Variants in C10orf90 observed in about 807,000 individuals in gnomAD.
C10orf90 encodes chromosome 10 open reading frame 90.
In C10orf90, 56 loss-of-function variants were observed where a neutral mutation model predicts 62.5. The ratio of observed to expected loss-of-function variants is 0.90; its 90% CI spans 0.72 to 1.12. C10orf90 has a LOEUF of 1.12. C10orf90 is among the 50% of genes most tolerant of loss of function. The pLI, the probability that C10orf90 is intolerant of heterozygous loss-of-function variation, is 0.00. For missense variants in C10orf90, 970 were observed against 880.4 expected (o/e 1.10, Z -1.29); for synonymous variants, 386 against 340.4 (o/e 1.13, Z -1.47).
intron 7 of C10orf90, among the ~76,000 whole-genome samples, chr10:126,442,479 A>ATATATATATATATATATATATATC (rs1491182272): frequency 7.3e-4 from 19 of 26,078 alleles, no homozygotes; most frequent in African/African-American, 2.6e-3. Flanking sequence ...TCAATATTTC[A>ATATATATATATATATATATATATC]TATATATATA....
At chr10:126,437,083 C>T (rs771165064) in intron 7 of C10orf90, among the ~76,000 whole-genome samples, 3 of 152,184 alleles carry the variant, frequency 2.0e-5, no homozygotes, top group Admixed American at 1.3e-4. Flanking sequence ...TGTTTCAATT[C>T]ATCCTTACAG....
At chr10:126,519,997 C>T (rs1863651276) in intron 2 of C10orf90, 1 of 152,300 alleles carries the variant, frequency 6.6e-6, no homozygotes, top group African/African-American at 2.4e-5. Context: ...CTTTCTTCCT[C>T]CTGTGTCATC....
intron 7 of C10orf90, among the ~76,000 whole-genome samples, chr10:126,451,035 A>G (rs1352259315): frequency 2.0e-5 from 3 of 152,076 alleles, no homozygotes; most frequent in African/African-American, 7.2e-5. Flanking sequence ...TGGGCAAAGT[A>G]CCTGAGTAGA....
intron 1 of C10orf90, among the ~76,000 whole-genome samples, chr10:126,650,689 G>T (rs1846274138): frequency 6.6e-6 from 1 of 152,214 alleles, no homozygotes; most frequent in Non-Finnish European, 1.5e-5. Context: ...AGCTGGCAAA[G>T]CTCTGATATT....
At chr10:126,657,608 C>CTTTTTTTTT (rs71488508) in intron 1 of C10orf90, among the ~76,000 whole-genome samples, 1 of 141,510 alleles carries the variant, frequency 7.1e-6, no homozygotes, top group South Asian at 2.3e-4. Context: ...AATACTTTGT[C>CTTTTTTTTT]TTTTTTTTTT....
At chr10:126,597,716 T>A (rs1266328555) in intron 2 of C10orf90, among the ~76,000 whole-genome samples, 1 of 152,136 alleles carries the variant, frequency 6.6e-6, no homozygotes, top group Non-Finnish European at 1.5e-5. Flanking sequence ...ATCAAAAAAA[T>A]TTAATGAATG....
At chr10:126,659,072 G>A (rs919839794) in intron 1 of C10orf90, among the ~76,000 whole-genome samples, 2 of 152,188 alleles carry the variant, frequency 1.3e-5, no homozygotes, top group African/African-American at 2.4e-5. Context: ...GAACTACAGA[G>A]CTTTCCTACT....
intron 4 of C10orf90, among the ~76,000 whole-genome samples, chr10:126,501,328 T>G: frequency 6.6e-6 from 1 of 152,196 alleles, no homozygotes; most frequent in East Asian, 1.9e-4. Flanking sequence ...ATGTGCTTTC[T>G]TGTCACCTGA....
chr10:126,436,945 T>C (rs909657891), intron 7 of C10orf90, among the ~76,000 whole-genome samples: 3 of 152,176 alleles, frequency 2.0e-5, no homozygotes, highest in Admixed American at 6.5e-5. Context: ...ATTACAGGTA[T>C]GAACCACTGT....
intron 8 of C10orf90, 46 bp from the exon 9 acceptor site, chr10:126,426,136 G>T: frequency 6.7e-7 from 1 of 1,497,740 alleles, no homozygotes; most frequent in Non-Finnish European, 9.3e-7. Context: ...TTGACAGCGT[G>T]CTCCCGCTGT....
chr10:126,598,080 T>A (rs1845121659), intron 2 of C10orf90, among the ~76,000 whole-genome samples: 1 of 152,202 alleles, frequency 6.6e-6, no homozygotes, highest in Non-Finnish European at 1.5e-5. Flanking sequence ...TCCTCTGAAC[T>A]GCTGCTTTGG....
chr10:126,535,648 A>T (rs532609318), intron 2 of C10orf90, among the ~76,000 whole-genome samples: 19 of 152,000 alleles, frequency 1.3e-4, no homozygotes, highest in East Asian at 1.2e-3. Context: ...TATAATAATT[A>T]AAAAAAAATT....
At chr10:126,502,875 C>A in intron 4 of C10orf90, 1 of 493,710 alleles carries the variant, frequency 2.0e-6, no homozygotes, top group Non-Finnish European at 4.1e-6. Context: ...AATCTGAAAG[C>A]CATGCCAAAA....
intron 2 of C10orf90, among the ~76,000 whole-genome samples, chr10:126,519,375 A>G (rs972224624): frequency 6.6e-6 from 1 of 152,244 alleles, no homozygotes; most frequent in African/African-American, 2.4e-5. Context: ...CTACAAAAGT[A>G]GCAGACAAGC....
chr10:126,601,684 T>G lies in C10orf90; in HGVS notation c.313+44881A>C, dbSNP rs541778387. On this transcript the variant is annotated intron_variant, in intron 2 of 9. Transcript: ENST00000488181. Reference sequence around the variant, plus strand: ...TATACCCTAGAATTCAGAGGCTGACTAAAGTTTCATGCTCCAAGGTTCCTA... The same window carrying G: ...TATACCCTAGAATTCAGAGGCTGACGAAAGTTTCATGCTCCAAGGTTCCTA... 3.9e-5 allele frequency among the ~76,000 whole-genome samples: 6 copies of G among 152,362 alleles called. No individual in the cohort carries two copies. The South Asian group carries it at 1.2e-3, about 32-fold the overall frequency.
intron 7 of C10orf90, among the ~76,000 whole-genome samples, chr10:126,450,299 A>G (rs981690232): frequency 5.9e-5 from 9 of 152,226 alleles, no homozygotes; most frequent in Non-Finnish European, 1.2e-4. Context: ...TTAATGCAAC[A>G]CCTATCAAAA....
chr10:126,452,945 C>T (rs747902997), intron 7 of C10orf90, among the ~76,000 whole-genome samples: 5 of 152,120 alleles, frequency 3.3e-5, no homozygotes, highest in Admixed American at 6.6e-5. Flanking sequence ...GAGATCAGAC[C>T]GGTCAACAGG....
intron 2 of C10orf90, among the ~76,000 whole-genome samples, chr10:126,617,934 T>C (rs1240334556): frequency 1.3e-5 from 2 of 152,124 alleles, no homozygotes; most frequent in African/African-American, 4.8e-5. Flanking sequence ...GTATGCCAAT[T>C]TTTATCGGGA....
Position 126,633,762 on chromosome 10 carries a change from G to T in C10orf90, c.313+12803C>A, listed in dbSNP as rs116523934. 1.8e-3 allele frequency among the ~76,000 whole-genome samples: 268 copies of T among 152,192 alleles called. 1 individual carries two copies. The highest frequency in any genetic ancestry group is 0.01 in the Middle Eastern group (3 of 294). ...CCAACCTCTCTGCTTCCCCCAACAC[G>T]CAGGAAACATAATGCTTCAGAAAAG... On this transcript the variant is annotated intron_variant, in intron 2 of 9. Coordinates refer to ENST00000488181, the MANE Select transcript of C10orf90 (RefSeq NM_001350921.2).
Sources: allele counts gnomAD v4.1 joint callset (sites outside exome capture counted in the v4.1 genomes callset), GRCh38; gene constraint gnomAD v4.1.1; transcripts MANE v1.5; gene names NCBI Gene and HGNC (gene_info 2026-07-23, HGNC 2026-07-21).